LATS2: variants seen among roughly 807,000 people sequenced by gnomAD.
LATS2 encodes the protein large tumor suppressor kinase 2.
A neutral mutation model predicts 76.0 loss-of-function variants in LATS2; 24 were observed. The observed-to-expected ratio is 0.32, with a 90% CI of 0.23 to 0.44. The LOEUF (loss-of-function observed/expected upper bound fraction) is 0.44, where lower values mean the gene tolerates loss of function less well. LATS2 is among the 20% of genes least tolerant of loss of function. LATS2 has a pLI of 1.00. For missense variants in LATS2, 1,286 were observed against 1,481.2 expected (o/e 0.87, Z 2.16); for synonymous variants, 692 against 635.4 (o/e 1.09, Z -1.34).
At position 20,991,295 on chromosome 13, in the gene LATS2, C is replaced by A. The variant is rs45453992; in HGVS notation, c.452G>T (p.Arg151Leu). 1 of 1,614,214 alleles carries A rather than the reference C, an allele frequency of 6.2e-7. No individual in the cohort carries two copies. Among genetic ancestry groups the A allele is most frequent in the Non-Finnish European group, 8.5e-7 (1 of 1,180,032 alleles). Reference sequence around the variant, plus strand: ...ACCTGGGGAGGTCTGCTTAATGACCCGCACAATCTGCTCATTCCTCGGGTC... The same window carrying A: ...ACCTGGGGAGGTCTGCTTAATGACCAGCACAATCTGCTCATTCCTCGGGTC... ...YLDPRNEQIVRVIKQTSPGKG... is the reference protein window; with the variant it reads ...YLDPRNEQIVLVIKQTSPGKG... The change falls in exon 3 of 8, where the codon CGG becomes CTG. Residue 151 changes from arginine (R) to leucine (L), a missense_variant. Around this residue, in one of 5 missense-constraint regions of LATS2, gnomAD observed 18 missense variants for 58.5 expected, o/e 0.31. Transcript: ENST00000382592. The surrounding 1 kb of genome is among the most constrained non-coding windows in gnomAD (Gnocchi z 4.9).
rs532223360 is a variant in LATS2 at position 21,054,373 on chromosome 13, A to C, written c.-205+6973T>G. The stretch of plus-strand genomic sequence containing the variant: ...CTGTGAGCCGAGGTCATTCCACTGC[A>C]CTCCAGCCTAGGCAACAGAGCAAGT... On this transcript the variant is annotated intron_variant, in intron 1 of 7. Coordinates refer to ENST00000382592, the MANE Select transcript of LATS2 (RefSeq NM_014572.3). Among the ~76,000 whole-genome samples the C allele has an allele frequency of 2.1e-4, 32 of 152,178 alleles. No individual in the cohort carries two copies. In the South Asian group the frequency reaches 6.6e-3, roughly 32 times the overall value.
intron 1 of LATS2, among the ~76,000 whole-genome samples, chr13:21,060,628 G>A (rs1873606656): frequency 6.6e-6 from 1 of 151,672 alleles, no homozygotes; most frequent in Non-Finnish European, 1.5e-5. Context: ...CGCGGCCGCG[G>A]GGAACGGGGT....
rs970337800 is a variant in LATS2, at chr13:20,983,448, A to G, written c.2258T>C (p.Met753Thr). 6.2e-7 allele frequency: 1 copy of G among 1,613,976 alleles called. No individual in the cohort carries two copies. Among genetic ancestry groups the G allele is most frequent in the Non-Finnish European group, 8.5e-7 (1 of 1,180,006 alleles). ...FVMDYIPGGD[M>T]MSLLIRMEVF... Reference sequence around the variant, plus strand: ...CTCCATCCGGATCAGCAGGCTCATCATGTCCCCACCAGGGATGTAGTCCAT... The same window carrying G: ...CTCCATCCGGATCAGCAGGCTCATCGTGTCCCCACCAGGGATGTAGTCCAT... Residue 753 changes from methionine to threonine, a missense_variant, in exon 5 of 8, where the codon ATG becomes ACG. Met to Thr is a moderately conservative substitution (Grantham distance 81). Transcript: ENST00000382592.
chr13:20,987,945 T>C lies in LATS2; in HGVS notation c.1835A>G (p.Asn612Ser). The part of the protein sequence containing the change: ...FKFFMEQHVE[N>S]VIKTYQQKVN... The stretch of plus-strand genomic sequence containing the variant: ...CTTCTGCTGGTAGGTTTTGATGACA[T>C]TCTCCACGTGCTGCTCCATGAAGAA... The change falls in exon 4 of 8, where the codon AAT (asparagine) becomes AGT (serine). Residue 612 changes from asparagine (N) to serine (S), a missense_variant. By Grantham distance (46) the Asn-to-Ser change is conservative. Around this residue, in one of 5 missense-constraint regions of LATS2, gnomAD observed 247 missense variants for 385.4 expected, o/e 0.64. Coordinates refer to ENST00000382592, the MANE Select transcript of LATS2 (RefSeq NM_014572.3). 6.2e-7 allele frequency: 1 copy of C among 1,614,242 alleles called. No homozygotes were observed. The highest frequency in any genetic ancestry group is 8.5e-7 in the Non-Finnish European group (1 of 1,180,046).
intron 2 of LATS2, among the ~76,000 whole-genome samples, chr13:21,033,976 A>G (rs1404699700): frequency 2.0e-5 from 3 of 152,164 alleles, no homozygotes; most frequent in Non-Finnish European, 2.9e-5. Flanking sequence ...ACAGGGGACC[A>G]GTCGCACCCA....
Position 21,024,035 on chromosome 13 carries a change from AAG to A in LATS2, c.342+21648_342+21649del, listed in dbSNP as rs558950227. ...TGGAAAACAAGCAGGCATCCTCGGG[AAG>A]GGCCCCCCAGGGAGTTTACAGACCT... On this transcript the variant is annotated intron_variant, in intron 2 of 7. Coordinates refer to ENST00000382592, the MANE Select transcript of LATS2 (RefSeq NM_014572.3). Among the ~76,000 whole-genome samples the A allele has an allele frequency of 1.1e-3, 159 of 147,088 alleles. 1 individual carries two copies. The highest frequency in any genetic ancestry group is 0.011 in the Middle Eastern group (3 of 282).
chr13:21,016,175 C>T (rs1185688995), intron 2 of LATS2, among the ~76,000 whole-genome samples: 12 of 143,616 alleles, frequency 8.4e-5, no homozygotes, highest in Non-Finnish European at 1.7e-4. Flanking sequence ...TTTGTAGAGA[C>T]GGGGTTTCAC....
At chr13:20,976,042 A>G (rs191148368) in intron 7 of LATS2, among the ~76,000 whole-genome samples, 211 of 152,370 alleles carry the variant, frequency 1.4e-3, no homozygotes, top group Non-Finnish European at 2.2e-3. Context: ...ACAAACAGGA[A>G]AAACTTCATA....
In LATS2 at chr13:20,989,044, A is replaced by T; in HGVS notation, c.736T>A (p.Phe246Ile). Reference sequence around the variant, plus strand: ...CCGTAGTGCGCGCCCTGCAGCGGGAAGTGTGCCCCTGCTGCCTCTACGCTG... The same window carrying T: ...CCGTAGTGCGCGCCCTGCAGCGGGATGTGTGCCCCTGCTGCCTCTACGCTG... ...GASVEAAGAH[F>I]PLQGAHYGRP... Residue 246 changes from phenylalanine (F) to isoleucine (I), a missense_variant, in exon 4 of 8, where the codon TTC becomes ATC. Transcript: ENST00000382592. The T allele has an allele frequency of 6.4e-7, 1 of 1,572,000 alleles. No individual in the cohort carries two copies. The highest frequency in any genetic ancestry group is 8.6e-7 in the Non-Finnish European group (1 of 1,164,758).
chr13:21,007,760 A>ATATATATAT (rs1271169637), intron 2 of LATS2, among the ~76,000 whole-genome samples: 1 of 4,558 alleles, frequency 2.2e-4, no homozygotes, highest in Non-Finnish European at 3.3e-4. Context: ...ATATATATAT[A>ATATATATAT]TTTTTTTTTT....
At chr13:21,048,613 T>C (rs9509503) in intron 1 of LATS2, among the ~76,000 whole-genome samples, 121,719 of 151,982 alleles carry the variant, frequency 0.8, 49,434 homozygotes, top group South Asian at 0.91. Context: ...GGGCGGATCA[T>C]CTGAGGTCAG....
At chr13:21,009,353 T>C (rs994271792) in intron 2 of LATS2, among the ~76,000 whole-genome samples, 30 of 152,110 alleles carry the variant, frequency 2.0e-4, no homozygotes, top group African/African-American at 7.0e-4. Flanking sequence ...CACCTGCTCC[T>C]CTCCTCTCCT....
chr13:21,015,990 C>T (rs944115634), intron 2 of LATS2, among the ~76,000 whole-genome samples: 5 of 144,252 alleles, frequency 3.5e-5, no homozygotes, highest in African/African-American at 1.0e-4. Flanking sequence ...TGAACCACCA[C>T]GCTTGGCCTA....
chr13:21,023,285 A>G (rs1872146108), intron 2 of LATS2, among the ~76,000 whole-genome samples: 1 of 151,342 alleles, frequency 6.6e-6, no homozygotes, highest in Non-Finnish European at 1.5e-5. Flanking sequence ...CTTTTTAGAG[A>G]TAGGGTCTCA....
At chr13:20,997,736 G>T (rs1870820706) in intron 2 of LATS2, among the ~76,000 whole-genome samples, 2 of 152,354 alleles carry the variant, frequency 1.3e-5, no homozygotes, top group South Asian at 2.1e-4. Flanking sequence ...GGAACTGGAA[G>T]ACACTCCTTC....
intron 2 of LATS2, among the ~76,000 whole-genome samples, chr13:20,994,930 GA>G (rs1870683301): frequency 6.6e-6 from 1 of 152,032 alleles, no homozygotes; most frequent in Admixed American, 6.5e-5. Context: ...TCCTTATCTA[GA>G]ATCGTAGGTG....
intron 2 of LATS2, among the ~76,000 whole-genome samples, chr13:21,027,617 T>G (rs553313431): frequency 6.6e-6 from 1 of 152,322 alleles, no homozygotes; most frequent in South Asian, 2.1e-4. Context: ...CACACTGTCT[T>G]GCTTAGCTTT....
chr13:21,019,054 C>G (rs1871928254), intron 2 of LATS2, among the ~76,000 whole-genome samples: 1 of 152,144 alleles, frequency 6.6e-6, no homozygotes, highest in South Asian at 2.1e-4. Flanking sequence ...ACCAGACATC[C>G]TAAGTTTGAA....
intron 2 of LATS2, among the ~76,000 whole-genome samples, chr13:21,022,559 T>C (rs1376376083): frequency 6.6e-6 from 1 of 152,190 alleles, no homozygotes; most frequent in Admixed American, 6.5e-5. Context: ...ACACACCTTG[T>C]CCCTCATTCA....
Sources: allele counts gnomAD v4.1 joint callset (sites outside exome capture counted in the v4.1 genomes callset), GRCh38; gene constraint gnomAD v4.1.1; regional missense constraint gnomAD v4.1.1; non-coding constraint Gnocchi (gnomAD v3.1); transcripts MANE v1.5; gene names NCBI Gene and HGNC (gene_info 2026-07-23, HGNC 2026-07-21).